TLN2: variants seen among roughly 807,000 people sequenced by gnomAD.
TLN2 encodes the protein talin-2.
TLN2 carries 118 observed loss-of-function variants against 294.7 expected under a neutral mutation model. The ratio of observed to expected loss-of-function variants is 0.40; its 90% CI spans 0.34 to 0.47. TLN2 has a LOEUF of 0.47. TLN2 is among the 20% of genes least tolerant of loss of function. The pLI, the probability that TLN2 is intolerant of heterozygous loss-of-function variation, is 0.84. For missense variants in TLN2, 3,083 were observed against 3,282.2 expected (o/e 0.94, Z 1.48); for synonymous variants, 1,431 against 1,304.5 (o/e 1.10, Z -2.09).
intron 50 of TLN2, among the ~76,000 whole-genome samples, chr15:62,804,762 A>G (rs767109610): frequency 1.1e-4 from 16 of 152,124 alleles, no homozygotes; most frequent in Non-Finnish European, 2.2e-4. Context: ...TTGGCATTCT[A>G]TGGGATGCCA....
intron 1 of TLN2, among the ~76,000 whole-genome samples, chr15:62,471,788 T>C (rs948398149): frequency 4.6e-5 from 7 of 152,084 alleles, no homozygotes; most frequent in Non-Finnish European, 7.4e-5. Context: ...CTCAGGACTG[T>C]AATAAAGACA....
intron 22 of TLN2, among the ~76,000 whole-genome samples, chr15:62,713,906 A>ATG (rs72433521): frequency 9.4e-6 from 1 of 106,946 alleles, no homozygotes; most frequent in Non-Finnish European, 2.4e-5. Flanking sequence ...CCATATATAT[A>ATG]TATATATATG....
intron 43 of TLN2, among the ~76,000 whole-genome samples, chr15:62,780,211 T>C (rs1424381517): frequency 6.6e-6 from 1 of 152,218 alleles, no homozygotes; most frequent in East Asian, 1.9e-4. Context: ...ACTTTGTCTC[T>C]TCGCCTGGAA....
chr15:62,642,096 G>A (rs186118821), intron 3 of TLN2, among the ~76,000 whole-genome samples: 4 of 152,350 alleles, frequency 2.6e-5, no homozygotes, highest in Admixed American at 2.6e-4. Context: ...ACCACAGAAG[G>A]GTTTTGTGTT....
chr15:62,609,396 C>T (rs1424957842), intron 2 of TLN2, among the ~76,000 whole-genome samples: 1 of 152,190 alleles, frequency 6.6e-6, no homozygotes, highest in Non-Finnish European at 1.5e-5. Context: ...TACCAAATGT[C>T]CCAGCCATGT....
intron 1 of TLN2, among the ~76,000 whole-genome samples, chr15:62,527,546 A>G (rs2040808329): frequency 6.6e-6 from 1 of 152,252 alleles, no homozygotes; most frequent in South Asian, 2.1e-4. Context: ...TCATAGCCTT[A>G]GAAATAGTGG....
intron 41 of TLN2, among the ~76,000 whole-genome samples, chr15:62,769,107 C>T (rs1281351894): frequency 1.3e-5 from 2 of 152,206 alleles, no homozygotes; most frequent in African/African-American, 2.4e-5. Context: ...ACACAGCAAC[C>T]GCTGACATTT....
intron 45 of TLN2, among the ~76,000 whole-genome samples, chr15:62,791,684 G>T (rs946334512): frequency 1.3e-5 from 2 of 152,154 alleles, no homozygotes; most frequent in African/African-American, 4.8e-5. Context: ...AAAAATAAAA[G>T]CCATAGCTTC....
At chr15:62,718,920 A>T (rs189087767) in intron 24 of TLN2, among the ~76,000 whole-genome samples, 31 of 152,332 alleles carry the variant, frequency 2.0e-4, no homozygotes, top group Admixed American at 2.0e-3. Context: ...AATGACTAGA[A>T]CTAGCAGAAC....
chr15:62,469,144 A>T (rs2037323326), intron 1 of TLN2, among the ~76,000 whole-genome samples: 1 of 152,204 alleles, frequency 6.6e-6, no homozygotes, highest in Non-Finnish European at 1.5e-5. Context: ...TTTGTGTTGG[A>T]AAAAAGATTC....
intron 28 of TLN2, 100 bp downstream of exon 28, chr15:62,727,289 T>C: frequency 9.4e-7 from 1 of 1,065,292 alleles, no homozygotes; most frequent in Non-Finnish European, 1.4e-6. Context: ...CACGTGACAT[T>C]TTTCTCCCAG....
chr15:62,605,993 C>G (rs1042526489), intron 2 of TLN2, among the ~76,000 whole-genome samples: 1 of 152,264 alleles, frequency 6.6e-6, no homozygotes, highest in Non-Finnish European at 1.5e-5. Flanking sequence ...AGTGTTACAC[C>G]AGTGTCACTA....
intron 39 of TLN2, 56 bp downstream of exon 39, chr15:62,762,509 G>A: frequency 6.3e-7 from 1 of 1,579,126 alleles, no homozygotes; most frequent in Non-Finnish European, 8.7e-7. Context: ...GGAAGGAGGA[G>A]GATAAGCCCA....
chr15:62,400,104 A>G (rs2140235158), intron 1 of TLN2, among the ~76,000 whole-genome samples: 1 of 152,204 alleles, frequency 6.6e-6, no homozygotes, highest in South Asian at 2.1e-4. Context: ...ATAGTAAGTG[A>G]GATCTCACGA....
At chr15:62,509,462 C>G (rs2039814372) in intron 1 of TLN2, among the ~76,000 whole-genome samples, 1 of 152,200 alleles carries the variant, frequency 6.6e-6, no homozygotes, top group African/African-American at 2.4e-5. Context: ...CATCTCAAAT[C>G]TGACTTAGCA....
At position 62,410,885 on chromosome 15, in the gene TLN2, C is replaced by T. The variant is rs564131601; in HGVS notation, c.-238+20200C>T. Among the ~76,000 whole-genome samples, 54 of 152,322 alleles carry T rather than the reference C, an allele frequency of 3.5e-4. 1 individual carries two copies. Among genetic ancestry groups the T allele is most frequent in the African/African-American group, 1.1e-3 (45 of 41,576 alleles). ...TCTGACTCCTAGGCCAGTGCCCTTC[C>T]ACTGTGCATTCTCCAACGCATAGTG... is the stretch of plus-strand genomic sequence containing the variant. On this transcript the variant is annotated intron_variant, in intron 1 of 58. Coordinates refer to ENST00000636159, the MANE Select transcript of TLN2 (RefSeq NM_015059.3).
At chr15:62,444,833 G>A (rs2035737116) in intron 1 of TLN2, among the ~76,000 whole-genome samples, 1 of 152,198 alleles carries the variant, frequency 6.6e-6, no homozygotes, top group African/African-American at 2.4e-5. Context: ...CTGCTAGGGT[G>A]CATATGGTGT....
intron 1 of TLN2, among the ~76,000 whole-genome samples, chr15:62,449,838 G>T (rs1220663904): frequency 6.6e-6 from 1 of 152,130 alleles, no homozygotes; most frequent in African/African-American, 2.4e-5. Context: ...AAGTTGGCAG[G>T]TAGCCATATT....
intron 1 of TLN2, among the ~76,000 whole-genome samples, chr15:62,552,631 C>T (rs148065866): frequency 1.3e-5 from 2 of 152,276 alleles, no homozygotes; most frequent in African/African-American, 4.8e-5. Flanking sequence ...TGTTCCTAAG[C>T]TCAAGAAGGC....
Sources: allele counts gnomAD v4.1 joint callset (sites outside exome capture counted in the v4.1 genomes callset), GRCh38; gene constraint gnomAD v4.1.1; transcripts MANE v1.5; gene names NCBI Gene and HGNC (gene_info 2026-07-23, HGNC 2026-07-21).